The following GABRG3 variants were observed in gnomAD, a reference collection of about 807,000 sequenced individuals.
The protein encoded by GABRG3 is gamma-aminobutyric acid type A receptor subunit gamma3.
GABRG3 carries 25 observed loss-of-function variants against 48.8 expected under a neutral mutation model. That is an observed-to-expected ratio of 0.51 (90% confidence interval 0.37 to 0.72). The LOEUF (loss-of-function observed/expected upper bound fraction) is 0.72. GABRG3 is among the 30% of genes least tolerant of loss of function. The pLI, the probability that GABRG3 is intolerant of heterozygous loss-of-function variation, is 0.00. For missense variants in GABRG3, 394 were observed against 577.9 expected, an observed-to-expected ratio of 0.68 and a Z score of 3.26; for synonymous variants, 227 against 217.6, an observed-to-expected ratio of 1.04 and a Z score of -0.38.
chr15:26,986,444 A>AAC (rs1452650131), intron 2 of GABRG3, among the ~76,000 whole-genome samples: 1 of 152,128 alleles, frequency 6.6e-6, no homozygotes, highest in Non-Finnish European at 1.5e-5. Flanking sequence ...ACCTCAGCTT[A>AAC]ACACACGTTG....
At chr15:27,285,257 GTGT>G in intron 3 of GABRG3, among the ~76,000 whole-genome samples, 1 of 2,062 alleles carries the variant, frequency 4.8e-4, no homozygotes, top group South Asian at 4.8e-3. Flanking sequence ...GCTTTCAGGT[GTGT>G]GTGTGTGTGT....
At position 27,135,782 on chromosome 15, in the gene GABRG3, A is replaced by G. The variant is rs1423778529; in HGVS notation, c.270+108961A>G. On this transcript the variant is annotated intron_variant, in intron 3 of 9. Coordinates refer to ENST00000615808, the MANE Select transcript of GABRG3 (RefSeq NM_033223.5). ...TAGCCAGTCATGGTGGTGTGCGCCT[A>G]TAATCCCAGCTACTCAGGAAGCTGA... Among the ~76,000 whole-genome samples, 5 of 152,210 alleles carry G rather than the reference A, an allele frequency of 3.3e-5. No homozygotes were observed. In the South Asian group the frequency reaches 8.3e-4, roughly 25 times the overall value.
intron 3 of GABRG3, among the ~76,000 whole-genome samples, chr15:27,304,427 A>G (rs766572692): frequency 6.6e-6 from 1 of 152,002 alleles, no homozygotes; most frequent in South Asian, 2.1e-4. Flanking sequence ...TCAATTTATT[A>G]TCTTATAGTT....
intron 3 of GABRG3, among the ~76,000 whole-genome samples, chr15:27,110,536 T>A (rs1355824980): frequency 1.3e-5 from 2 of 152,162 alleles, no homozygotes; most frequent in East Asian, 1.9e-4. Flanking sequence ...TTTTTTTTTT[T>A]AACATATTTT....
In GABRG3 at chr15:27,490,699, A is replaced by G. The variant is rs118020974; in HGVS notation, c.712+9912A>G. Among the ~76,000 whole-genome samples, 149 of 152,320 alleles carry G rather than the reference A, an allele frequency of 9.8e-4. 3 individuals carry two copies. In the East Asian group the frequency reaches 0.02, roughly 20 times the overall value. Reference sequence around the variant, plus strand: ...TGTGCAGGAAATTTTGAATGCACCCAAAATAGTTCCTTCCAGACCCCAACT... The same window carrying G: ...TGTGCAGGAAATTTTGAATGCACCCGAAATAGTTCCTTCCAGACCCCAACT... On this transcript the variant is annotated intron_variant, in intron 6 of 9. Coordinates refer to ENST00000615808, the MANE Select transcript of GABRG3 (RefSeq NM_033223.5).
At chr15:27,047,285 G>T in intron 3 of GABRG3, among the ~76,000 whole-genome samples, 1 of 152,016 alleles carries the variant, frequency 6.6e-6, no homozygotes, top group African/African-American at 2.4e-5. Flanking sequence ...TGCATGTTTG[G>T]GTAAGGGAAA....
In GABRG3 at chr15:26,976,198, C is replaced by T. The variant is rs10152211; in HGVS notation, c.54-804C>T. 4.7e-4 allele frequency among the ~76,000 whole-genome samples: 72 copies of T among 152,130 alleles called. No homozygotes were observed. The highest frequency in any genetic ancestry group is 2.7e-3 in the East Asian group (14 of 5,172). On this transcript the variant is annotated intron_variant, in intron 1 of 9. Transcript: ENST00000615808. The surrounding 1 kb of genome is among the most constrained non-coding windows in gnomAD (Gnocchi z 7.8). ...GGCACTCCTGTCAGTGTGTGTCACA[C>T]GGGAGAGGAGGCTGTCCAGCTCCTC... is the stretch of plus-strand genomic sequence containing the variant.
chr15:27,072,710 A>G (rs1413865446), intron 3 of GABRG3, among the ~76,000 whole-genome samples: 1 of 152,176 alleles, frequency 6.6e-6, no homozygotes, highest in Non-Finnish European at 1.5e-5. Flanking sequence ...AAGGTGCCCC[A>G]GGATTGTTTC....
intron 3 of GABRG3, among the ~76,000 whole-genome samples, chr15:27,210,731 C>G (rs1314678578): frequency 6.6e-6 from 1 of 152,224 alleles, no homozygotes; most frequent in Admixed American, 6.5e-5. Flanking sequence ...GGTGTTCCCA[C>G]AGCTCTGAAA....
In GABRG3 at chr15:26,971,199, C is replaced by G. The variant is rs1438661606; in HGVS notation, c.-337C>G. 6.6e-6 allele frequency: 1 copy of G among 151,748 alleles called. No individual in the cohort carries two copies. Among genetic ancestry groups the G allele is most frequent in the Non-Finnish European group, 1.5e-5 (1 of 67,954 alleles). The allele number at this position is 151,748 out of a possible 1,614,324, so 9.4% of individuals were successfully genotyped here. On this transcript the variant is annotated 5_prime_UTR_variant, in exon 1 of 10. Coordinates refer to ENST00000615808, the MANE Select transcript of GABRG3 (RefSeq NM_033223.5). The stretch of plus-strand genomic sequence containing the variant: ...CCTCCCAGCACAGCGCACACAGCCC[C>G]GGCCTGGGCACCCGCGCCCGCTCGC...
At chr15:27,526,039 G>A (rs922136391) in intron 7 of GABRG3, among the ~76,000 whole-genome samples, 2 of 152,088 alleles carry the variant, frequency 1.3e-5, no homozygotes, top group East Asian at 1.9e-4. Flanking sequence ...TTTACATAGC[G>A]TTTTTACATG....
At chr15:26,984,220 T>C (rs1895108720) in intron 2 of GABRG3, among the ~76,000 whole-genome samples, 2 of 152,114 alleles carry the variant, frequency 1.3e-5, no homozygotes, top group African/African-American at 4.8e-5. Context: ...TGAGGACTGG[T>C]CTTTTTTTTT....
intron 3 of GABRG3, among the ~76,000 whole-genome samples, chr15:27,047,088 A>C (rs1896378467): frequency 6.6e-6 from 1 of 152,186 alleles, no homozygotes; most frequent in Non-Finnish European, 1.5e-5. Flanking sequence ...ATAATTTTTC[A>C]TGCTGGTTTC....
Position 27,541,485 on chromosome 15 carries a change from T to C in GABRG3, c.*8604T>C, listed in dbSNP as rs1360098467. On this transcript the variant is annotated 3_prime_UTR_variant, in exon 10 of 10. Coordinates refer to ENST00000615808, the MANE Select transcript of GABRG3 (RefSeq NM_033223.5). ...CTGCTCTCTGTTCCCATGGAATCCTTCCTGCCTGTGAAGCCATTGTCCTCC... is the reference window on the plus strand; with the variant it reads ...CTGCTCTCTGTTCCCATGGAATCCTCCCTGCCTGTGAAGCCATTGTCCTCC... 1 of 152,214 alleles carries C rather than the reference T, an allele frequency of 6.6e-6. No individual in the cohort carries two copies. The highest frequency in any genetic ancestry group is 2.4e-5 in the African/African-American group (1 of 41,456). The allele number at this position is 152,214 out of a possible 1,614,324, so 9.4% of individuals were successfully genotyped here.
At chr15:27,237,120 A>T (rs1202039432) in intron 3 of GABRG3, among the ~76,000 whole-genome samples, 1 of 152,250 alleles carries the variant, frequency 6.6e-6, no homozygotes, top group Non-Finnish European at 1.5e-5. Flanking sequence ...AAGAGAATTC[A>T]AGAGAACATG....
chr15:27,061,999 C>G (rs923022943), intron 3 of GABRG3, among the ~76,000 whole-genome samples: 1 of 152,210 alleles, frequency 6.6e-6, no homozygotes, highest in African/African-American at 2.4e-5. Flanking sequence ...TCCTTCTGTC[C>G]ACTGACCCTA....
intron 3 of GABRG3, among the ~76,000 whole-genome samples, chr15:27,289,863 A>G (rs774151566): frequency 6.6e-6 from 1 of 152,208 alleles, no homozygotes; most frequent in African/African-American, 2.4e-5. Flanking sequence ...ATGTGTATAT[A>G]CGTGGACTAA....
intron 5 of GABRG3, among the ~76,000 whole-genome samples, chr15:27,388,246 A>T (rs924442421): frequency 6.6e-5 from 1 of 15,084 alleles, no homozygotes; most frequent in African/African-American, 2.4e-4. Flanking sequence ...GGGAGGGAGG[A>T]AAGGAAGGAA....
At chr15:27,308,741 A>G (rs935235181) in intron 3 of GABRG3, among the ~76,000 whole-genome samples, 5 of 149,444 alleles carry the variant, frequency 3.3e-5, no homozygotes, top group African/African-American at 1.2e-4. Flanking sequence ...ACATACGTTT[A>G]TATGTAAACA....
Sources: allele counts gnomAD v4.1 joint callset (sites outside exome capture counted in the v4.1 genomes callset), GRCh38; gene constraint gnomAD v4.1.1; non-coding constraint Gnocchi (gnomAD v3.1); transcripts MANE v1.5; gene names NCBI Gene and HGNC (gene_info 2026-07-23, HGNC 2026-07-21).